NBAS: variants seen among roughly 807,000 people sequenced by gnomAD.
NBAS encodes the protein NAG/BC035112 fusion.
Under a neutral mutation model 302.5 loss-of-function variants are expected in NBAS, and 219 were observed. The ratio of observed to expected loss-of-function variants is 0.72; its 90% CI spans 0.65 to 0.81. The LOEUF (loss-of-function observed/expected upper bound fraction) is 0.81. Among genes scored for constraint, NBAS ranks in the 30% least tolerant of loss-of-function variants. The pLI is 0.00. For missense variants in NBAS, 2,932 were observed against 2,841.6 expected (o/e 1.03, Z -0.72); for synonymous variants, 1,118 against 1,021.6 (o/e 1.09, Z -1.80).
intron 3 of NBAS, 95 bp from the exon 4 acceptor site, chr2:15,554,233 A>G (rs1664535286): frequency 2.0e-6 from 2 of 1,019,334 alleles, no homozygotes; most frequent in East Asian, 5.2e-5. Context: ...AGAGACACAG[A>G]TTTTTTTCCA....
chr2:15,182,706 G>C (rs1228924198), intron 50 of NBAS, among the ~76,000 whole-genome samples: 1 of 152,154 alleles, frequency 6.6e-6, no homozygotes, highest in Non-Finnish European at 1.5e-5. Flanking sequence ...TCTTGAGAGG[G>C]CTTTATATAC....
chr2:14,969,812 T>A, the NBAS span, among the ~76,000 whole-genome samples: 2 of 152,202 alleles, frequency 1.3e-5, no homozygotes, highest in African/African-American at 4.8e-5. Flanking sequence ...AAAAATTAAC[T>A]TCAAATAGGT....
chr2:15,034,018 GAAGAA>G, the NBAS span, among the ~76,000 whole-genome samples: 3,799 of 66,554 alleles, frequency 0.057, 202 homozygotes, highest in Non-Finnish European at 0.069. Flanking sequence ...AGAAGAAGAA[GAAGAA>G]GAAGAGGAGG....
chr2:14,808,775 G>T, the NBAS span, among the ~76,000 whole-genome samples: 1 of 152,220 alleles, frequency 6.6e-6, no homozygotes, highest in East Asian at 1.9e-4. Flanking sequence ...AGTTTAGAGG[G>T]CTCAGATGAC....
the NBAS span, among the ~76,000 whole-genome samples, chr2:14,997,973 C>G: frequency 6.6e-6 from 1 of 152,046 alleles, no homozygotes; most frequent in Non-Finnish European, 1.5e-5. Context: ...TCATCTGTTC[C>G]TTTCTCCTCG....
intron 46 of NBAS, among the ~76,000 whole-genome samples, chr2:15,232,751 A>G: frequency 6.6e-6 from 1 of 152,222 alleles, no homozygotes; most frequent in East Asian, 1.9e-4. Flanking sequence ...CAAGAGAATA[A>G]CACATTCTAC....
intron 37 of NBAS, 32 bp downstream of exon 37, chr2:15,328,167 T>G (rs1672161990): frequency 6.3e-7 from 1 of 1,587,478 alleles, no homozygotes; most frequent in South Asian, 1.1e-5. Context: ...GCATGACAGT[T>G]AAATCTATCT....
the NBAS span, among the ~76,000 whole-genome samples, chr2:15,006,611 A>G: frequency 2.0e-5 from 3 of 152,244 alleles, no homozygotes; most frequent in African/African-American, 4.8e-5. Flanking sequence ...TGATAAGACT[A>G]AAGTCAATAC....
chr2:15,463,698 T>C (rs1227742116), intron 19 of NBAS, among the ~76,000 whole-genome samples: 1 of 146,654 alleles, frequency 6.8e-6, no homozygotes, highest in Non-Finnish European at 1.5e-5. Flanking sequence ...ATGAAGTCAC[T>C]GAAGATATGC....
chr2:15,545,115 G>C (rs1391611291), intron 6 of NBAS, among the ~76,000 whole-genome samples: 1 of 152,100 alleles, frequency 6.6e-6, no homozygotes, highest in African/African-American at 2.4e-5. Context: ...CATAAATCAA[G>C]CCTCAATAAA....
At chr2:15,095,839 G>T in the NBAS span, among the ~76,000 whole-genome samples, 1 of 152,290 alleles carries the variant, frequency 6.6e-6, no homozygotes, top group African/African-American at 2.4e-5. Flanking sequence ...GATTCCTCCA[G>T]TCCAACTGTT....
intron 50 of NBAS, among the ~76,000 whole-genome samples, chr2:15,185,028 T>A (rs57595195): frequency 0.12 from 17,798 of 152,204 alleles, 1,181 homozygotes; most frequent in East Asian, 0.29. Context: ...ATTTATACAA[T>A]TGTATGAGAG....
the NBAS span, among the ~76,000 whole-genome samples, chr2:15,156,629 G>C: frequency 5.9e-5 from 9 of 151,990 alleles, no homozygotes; most frequent in Non-Finnish European, 7.4e-5. Flanking sequence ...CTCCATTCAC[G>C]TGACCTAACA....
chr2:14,948,312 T>C, the NBAS span, among the ~76,000 whole-genome samples: 5 of 152,218 alleles, frequency 3.3e-5, no homozygotes, highest in African/African-American at 1.2e-4. Context: ...TTGGTAGAAG[T>C]TAGCAGTGAA....
intron 35 of NBAS, among the ~76,000 whole-genome samples, chr2:15,347,419 GGAA>G (rs1185069831): frequency 6.6e-6 from 1 of 152,196 alleles, no homozygotes; most frequent in Non-Finnish European, 1.5e-5. Flanking sequence ...ACTGGTGAAT[GGAA>G]GAAGTAAATG....
chr2:15,267,280 G>A (rs1669120977), intron 44 of NBAS, among the ~76,000 whole-genome samples: 1 of 152,158 alleles, frequency 6.6e-6, no homozygotes, highest in Non-Finnish European at 1.5e-5. Flanking sequence ...GCAGAATAGT[G>A]ACTAAACATT....
intron 21 of NBAS, among the ~76,000 whole-genome samples, chr2:15,437,184 C>G (rs1375341671): frequency 2.6e-5 from 4 of 151,642 alleles, no homozygotes; most frequent in Non-Finnish European, 2.9e-5. Context: ...CTTATGAGTA[C>G]AAAGAGATGT....
At chr2:15,004,309 G>A in the NBAS span, among the ~76,000 whole-genome samples, 148 of 152,202 alleles carry the variant, frequency 9.7e-4, no homozygotes, top group African/African-American at 1.8e-3. Context: ...TTACAGTTTC[G>A]GGAAATTTTT....
intron 12 of NBAS, among the ~76,000 whole-genome samples, chr2:15,485,404 T>A (rs1046064920): frequency 3.9e-5 from 6 of 152,220 alleles, no homozygotes; most frequent in Non-Finnish European, 8.8e-5. Context: ...GGAAAAAATG[T>A]GTGTAGTACA....
Sources: gnomAD v4.1 joint callset for allele counts (sites outside exome capture counted in the v4.1 genomes callset) on GRCh38, gnomAD v4.1.1 for gene constraint, MANE v1.5 for transcripts, NCBI Gene and HGNC (gene_info 2026-07-23, HGNC 2026-07-21) for gene names.